Variants in CENPM observed in about 807,000 individuals in gnomAD.
CENPM encodes centromere protein M.
CENPM carries 14 observed loss-of-function variants against 19.6 expected under a neutral mutation model. The ratio of observed to expected loss-of-function variants is 0.71; its 90% CI spans 0.47 to 1.11. The LOEUF (loss-of-function observed/expected upper bound fraction) is 1.11, where lower values mean the gene tolerates loss of function less well. Ranked by LOEUF, CENPM falls within the 50% of genes most tolerant of loss-of-function variation. CENPM has a pLI of 0.00. For missense variants in CENPM, 239 were observed against 228.4 expected, an observed-to-expected ratio of 1.05 and a Z score of -0.30; for synonymous variants, 114 against 101.5, an observed-to-expected ratio of 1.12 and a Z score of -0.74.
At chr22:41,938,211 G>A (rs867806790), downstream of CENPM, among the ~76,000 whole-genome samples, 44 of 139,092 alleles carry the variant, frequency 3.2e-4, no homozygotes, top group African/African-American at 1.1e-3. Flanking sequence ...GTGTAATCTC[G>A]GTTCAACACC....
At chr22:41,939,803 A>AAAGAAAGAAAGAAAGAAAAAG (rs2077711877) in intron 5 of CENPM, among the ~76,000 whole-genome samples, 1 of 136,902 alleles carries the variant, frequency 7.3e-6, no homozygotes, top group African/African-American at 2.8e-5. Flanking sequence ...AAAGAAAAAG[A>AAAGAAAGAAAGAAAGAAAAAG]AAGAAAAAGA....
At chr22:41,942,750 CA>C (rs59088131) in intron 5 of CENPM, among the ~76,000 whole-genome samples, 2,608 of 123,784 alleles carry the variant, frequency 0.021, 71 homozygotes, top group African/African-American at 0.067. Flanking sequence ...GACTCCATCT[CA>C]AAAAAAAAAA....
intron 2 of CENPM, 49 bp downstream of exon 2, chr22:41,946,368 C>T (rs747174004): frequency 2.6e-6 from 4 of 1,518,616 alleles, no homozygotes; most frequent in Non-Finnish European, 3.6e-6. Context: ...GACCGAATCC[C>T]TCTGGAGTGA....
At chr22:41,943,545 T>C (rs1425363884) in intron 5 of CENPM, 65 bp downstream of exon 5, 1 of 1,407,546 alleles carries the variant, frequency 7.1e-7, no homozygotes, top group African/African-American at 1.4e-5. Flanking sequence ...ATGTGCCCAC[T>C]GTGTGCTGAC....
At chr22:41,927,535 A>C in the CENPM span, among the ~76,000 whole-genome samples, 1 of 135,718 alleles carries the variant, frequency 7.4e-6, no homozygotes, top group Admixed American at 7.5e-5. Flanking sequence ...TTTTTTTTGA[A>C]AAAGAGTCTG....
the CENPM span, among the ~76,000 whole-genome samples, chr22:41,930,859 T>A: frequency 7.2e-6 from 1 of 138,724 alleles, no homozygotes. Context: ...TTTTTTGAGA[T>A]GGAGTCTCGC....
At chr22:41,934,390 G>A (rs952230736), downstream of CENPM, among the ~76,000 whole-genome samples, 1 of 152,148 alleles carries the variant, frequency 6.6e-6, no homozygotes, top group African/African-American at 2.4e-5. Flanking sequence ...TCTAAGAGTG[G>A]GGCCCAAACA....
intron 4 of CENPM, chr22:41,944,532 C>T: frequency 2.1e-6 from 1 of 480,466 alleles, no homozygotes; most frequent in Non-Finnish European, 2.7e-6. Flanking sequence ...CCTGGGGCAA[C>T]TTAACCTCAT....
chr22:41,946,119 G>T, intron 2 of CENPM, 114 bp from the exon 3 acceptor site: 2 of 903,262 alleles, frequency 2.2e-6, no homozygotes, highest in Non-Finnish European at 1.8e-6. Flanking sequence ...CCTCATCCTA[G>T]CCACCCGAGG....
chr22:41,935,342 G>C (rs1238274342), downstream of CENPM, among the ~76,000 whole-genome samples: 1 of 152,090 alleles, frequency 6.6e-6, no homozygotes, highest in Non-Finnish European at 1.5e-5. Context: ...TGACATCCCA[G>C]ATCAGGCAGG....
chr22:41,927,820 A>C, the CENPM span, among the ~76,000 whole-genome samples: 2 of 152,150 alleles, frequency 1.3e-5, no homozygotes, highest in African/African-American at 2.4e-5. Context: ...CACTTGTACC[A>C]GGCCCAAGTA....
intron 5 of CENPM, among the ~76,000 whole-genome samples, chr22:41,942,918 G>A (rs980007357): frequency 6.6e-6 from 1 of 151,976 alleles, no homozygotes; most frequent in African/African-American, 2.4e-5. Context: ...CTGGGCAACA[G>A]AGCAAGACCT....
chr22:41,932,855 G>A, the CENPM span, among the ~76,000 whole-genome samples: 4 of 152,210 alleles, frequency 2.6e-5, no homozygotes, highest in Non-Finnish European at 5.9e-5. The surrounding 1 kb of genome is among the most constrained non-coding windows in gnomAD (Gnocchi z 4.3). Context: ...CGACCCCTGC[G>A]CGGATGCCTC....
At chr22:41,935,359 C>A (rs1206460645), downstream of CENPM, among the ~76,000 whole-genome samples, 1 of 152,116 alleles carries the variant, frequency 6.6e-6, no homozygotes, top group Non-Finnish European at 1.5e-5. Context: ...CAGGCTGCAT[C>A]CACACCGCCT....
At chr22:41,932,557 C>T in the CENPM span, among the ~76,000 whole-genome samples, 1 of 152,260 alleles carries the variant, frequency 6.6e-6, no homozygotes, top group Non-Finnish European at 1.5e-5. This position sits in a 1 kb window ranked among gnomAD's most constrained non-coding sequence, Gnocchi z 4.3. Context: ...CACACGTGCG[C>T]ACACACGCGC....
chr22:41,940,110 C>T (rs1436069785), intron 5 of CENPM: 1 of 758,884 alleles, frequency 1.3e-6, no homozygotes, highest in African/African-American at 1.7e-5. Flanking sequence ...TGCTATTGTG[C>T]TGCAGCCACC....
At chr22:41,932,473 C>T in the CENPM span, among the ~76,000 whole-genome samples, 1 of 152,216 alleles carries the variant, frequency 6.6e-6, no homozygotes, top group Non-Finnish European at 1.5e-5. This position sits in a 1 kb window ranked among gnomAD's most constrained non-coding sequence, Gnocchi z 4.3. Flanking sequence ...CACGCCCTTC[C>T]ATGAAGCAGT....
Position 41,938,979 on chromosome 22 carries a change from C to G in CENPM, c.*77G>C, listed in dbSNP as rs1178908362. On this transcript the variant is annotated 3_prime_UTR_variant, in exon 6 of 6. Transcript: ENST00000215980. ...TGAGCCTGGGCCTGTCAAGCCCTGACTGGACATCCTCAACAGAGAATGTTT... is the reference window on the plus strand; with the variant it reads ...TGAGCCTGGGCCTGTCAAGCCCTGAGTGGACATCCTCAACAGAGAATGTTT... 1.9e-6 allele frequency: 3 copies of G among 1,554,616 alleles called. No homozygotes were observed. The highest frequency in any genetic ancestry group is 1.4e-5 in the African/African-American group (1 of 73,794).
chr22:41,928,589 G>A, the CENPM span, among the ~76,000 whole-genome samples: 15 of 152,186 alleles, frequency 9.9e-5, no homozygotes, highest in Admixed American at 7.9e-4. This position sits in a 1 kb window ranked among gnomAD's most constrained non-coding sequence, Gnocchi z 4.0. Flanking sequence ...GCAGCAGCGA[G>A]GGGGAGGCAA....
Sources: gnomAD v4.1 joint callset for allele counts (sites outside exome capture counted in the v4.1 genomes callset) on GRCh38, gnomAD v4.1.1 for gene constraint, Gnocchi (gnomAD v3.1) non-coding constraint, MANE v1.5 for transcripts, NCBI Gene and HGNC (gene_info 2026-07-23, HGNC 2026-07-21) for gene names.